The following UBR3 variants were observed in gnomAD, a reference collection of about 807,000 sequenced individuals.
The protein encoded by UBR3 is ubiquitin protein ligase E3 component n-recognin 3.
Under a neutral mutation model 243.2 loss-of-function variants are expected in UBR3, and 85 were observed. The observed-to-expected ratio is 0.35, with a 90% confidence interval of 0.29 to 0.42. UBR3 has a LOEUF of 0.42. Among genes scored for constraint, UBR3 ranks in the 10% least tolerant of loss-of-function variants. The pLI, the probability that UBR3 is intolerant of heterozygous loss-of-function variation, is 1.00. For synonymous variants in UBR3, 748 were observed against 799.8 expected (o/e 0.94, Z 1.09); for missense variants, 1,686 against 2,300.8 (o/e 0.73, Z 5.47).
At position 169,905,305 on chromosome 2, in the gene UBR3, A is replaced by C; in HGVS notation, c.1645+12A>C. 6.8e-7 allele frequency: 1 copy of C among 1,468,764 alleles called. No homozygotes were observed. Among genetic ancestry groups the C allele is most frequent in the African/African-American group, 1.4e-5 (1 of 69,964 alleles). 91.0% of individuals were successfully genotyped at this position (1,468,764 alleles called of 1,614,324 possible). A position where few individuals can be genotyped will look rare whatever the true frequency, so the allele number is the denominator to read the frequency against. On this transcript the variant is annotated intron_variant, in intron 9 of 38. Transcript: ENST00000272793. The stretch of plus-strand genomic sequence containing the variant: ...ATCTTTCTTTCAAGGTATGAATTTT[A>C]TCCCTTTGTTAATTTTTTGGTTTAC...
chr2:170,000,222 A>G (rs1011966847), intron 26 of UBR3, among the ~76,000 whole-genome samples: 8 of 152,018 alleles, frequency 5.3e-5, no homozygotes, highest in African/African-American at 1.9e-4. Context: ...TTTATTGTAT[A>G]TTATATTAAG....
chr2:169,834,330 T>G (rs1365414458), intron 1 of UBR3, among the ~76,000 whole-genome samples: 3 of 152,248 alleles, frequency 2.0e-5, no homozygotes. Flanking sequence ...CTGATAGACA[T>G]TTAAATTGTT....
At chr2:170,060,590 T>C (rs373194555) in intron 33 of UBR3, among the ~76,000 whole-genome samples, 117 of 152,254 alleles carry the variant, frequency 7.7e-4, no homozygotes, top group African/African-American at 2.6e-3. Context: ...CTTTTCACAT[T>C]GTAAATATTT....
chr2:170,046,445 T>C (rs114515819), intron 32 of UBR3, among the ~76,000 whole-genome samples: 1,782 of 152,288 alleles, frequency 0.012, 49 homozygotes, highest in African/African-American at 0.04. Context: ...CCATAGTCTC[T>C]ATTTTGCTAC....
In UBR3 at chr2:169,896,138, AT is replaced by A. The variant is rs371905720; in HGVS notation, c.1237-367del. 4.9e-3 allele frequency among the ~76,000 whole-genome samples: 743 copies of A among 152,250 alleles called. 6 individuals carry two copies. Among genetic ancestry groups the A allele is most frequent in the African/African-American group, 0.017 (709 of 41,550 alleles). On this transcript the variant is annotated intron_variant, in intron 7 of 38. Transcript: ENST00000272793. The stretch of plus-strand genomic sequence containing the variant: ...CCCCATCTCTACTGAAAATACAAAA[AT>A]TAGTTGGGCGTGATGGCGTGTGCCT...
chr2:169,962,018 C>T (rs1175137515), intron 24 of UBR3, among the ~76,000 whole-genome samples: 1 of 151,710 alleles, frequency 6.6e-6, no homozygotes, highest in Non-Finnish European at 1.5e-5. Context: ...TATTGTTTCT[C>T]ATATTAGGTA....
intron 1 of UBR3, among the ~76,000 whole-genome samples, chr2:169,869,057 G>A (rs997491427): frequency 2.0e-5 from 3 of 151,756 alleles, no homozygotes; most frequent in African/African-American, 7.3e-5. Context: ...TCTCCCGTAC[G>A]TCTTGTAAAT....
At chr2:169,964,341 CTTAA>C (rs2087713985) in intron 24 of UBR3, 1 of 452,398 alleles carries the variant, frequency 2.2e-6, no homozygotes, top group Non-Finnish European at 4.5e-6. Context: ...AAGAGAAAAG[CTTAA>C]TTAATACTTT....
At chr2:169,864,234 T>C (rs938040308) in intron 1 of UBR3, among the ~76,000 whole-genome samples, 1 of 152,016 alleles carries the variant, frequency 6.6e-6, no homozygotes, top group Non-Finnish European at 1.5e-5. Context: ...TTTGTAGGGA[T>C]GGGGTTTTAC....
intron 8 of UBR3, among the ~76,000 whole-genome samples, chr2:169,897,433 A>G (rs569355377): frequency 1.3e-5 from 2 of 152,036 alleles, no homozygotes; most frequent in East Asian, 3.9e-4. Context: ...CTTAAATTCT[A>G]TATATATGTA....
At chr2:169,859,549 C>T (rs2083013681) in intron 1 of UBR3, among the ~76,000 whole-genome samples, 2 of 151,914 alleles carry the variant, frequency 1.3e-5, no homozygotes, top group African/African-American at 4.8e-5. Flanking sequence ...GTTATTATCC[C>T]ACAGCTCACT....
Position 169,905,245 on chromosome 2 carries a change from G to C in UBR3, c.1597G>C (p.Asp533His). The C allele has an allele frequency of 6.5e-7, 1 of 1,542,410 alleles. No homozygotes were observed. Among genetic ancestry groups the C allele is most frequent in the Non-Finnish European group, 8.7e-7 (1 of 1,142,940 alleles). Reference sequence around the variant, plus strand: ...AAGTGTGGCCAAGAGATTTTTGGAGGATCACGGTTTGTTAGTTACATGGAT... The same window carrying C: ...AAGTGTGGCCAAGAGATTTTTGGAGCATCACGGTTTGTTAGTTACATGGAT... ...HQSVAKRFLEDHGLLVTWMNF... is the reference protein window; with the variant it reads ...HQSVAKRFLEHHGLLVTWMNF... The change falls in exon 9 of 39, where the codon GAT becomes CAT. Residue 533 changes from aspartate (D) to histidine (H), a missense_variant. Asp to His is a moderately conservative substitution (Grantham distance 81). Coordinates refer to ENST00000272793, the MANE Select transcript of UBR3 (RefSeq NM_172070.4).
At chr2:169,893,880 AC>A (rs976192027) in intron 6 of UBR3, among the ~76,000 whole-genome samples, 3 of 152,060 alleles carry the variant, frequency 2.0e-5, no homozygotes, top group Non-Finnish European at 4.4e-5. Context: ...ATTTTTAGTT[AC>A]AAATCTTAAA....
chr2:170,008,346 A>G lies in UBR3; in HGVS notation c.4231-458A>G, dbSNP rs564083200. On this transcript the variant is annotated intron_variant, in intron 28 of 38. Coordinates refer to ENST00000272793, the MANE Select transcript of UBR3 (RefSeq NM_172070.4). ...ATTCATCTGGCAATTCCCTTTCTCA[A>G]GCGAAGACTAATTTTAGAATTTGTG... Among the ~76,000 whole-genome samples, 32 of 152,354 alleles carry G rather than the reference A, an allele frequency of 2.1e-4. 1 individual carries two copies. The South Asian group carries it at 6.2e-3, about 30-fold the overall frequency.
intron 23 of UBR3, among the ~76,000 whole-genome samples, chr2:169,953,012 T>C (rs2087108988): frequency 6.6e-6 from 1 of 152,182 alleles, no homozygotes; most frequent in Non-Finnish European, 1.5e-5. Context: ...TCCTTTTATT[T>C]TGAAAGAAGA....
intron 31 of UBR3, among the ~76,000 whole-genome samples, chr2:170,032,277 AAAACAG>A (rs1236601871): frequency 1.4e-5 from 2 of 137,938 alleles, no homozygotes; most frequent in Admixed American, 1.5e-4. Flanking sequence ...AACAAAAACA[AAAACAG>A]TCACACATAT....
intron 24 of UBR3, among the ~76,000 whole-genome samples, chr2:169,985,168 G>A (rs1043576244): frequency 2.7e-5 from 4 of 150,682 alleles, no homozygotes; most frequent in Admixed American, 2.0e-4. Context: ...TTTTCTGCAT[G>A]GTTTTCTCTT....
At chr2:169,876,339 C>T (rs187919374) in intron 3 of UBR3, among the ~76,000 whole-genome samples, 5 of 152,112 alleles carry the variant, frequency 3.3e-5, no homozygotes, top group African/African-American at 1.2e-4. Flanking sequence ...CTTGGCCTTC[C>T]GAAGTGCTGG....
At chr2:169,954,216 TTG>T (rs1375307027) in intron 23 of UBR3, among the ~76,000 whole-genome samples, 18 of 151,512 alleles carry the variant, frequency 1.2e-4, no homozygotes, top group African/African-American at 2.2e-4. Flanking sequence ...TTGTCTTGTC[TTG>T]TCTTGTCTTC....
Sources: allele counts gnomAD v4.1 joint callset (sites outside exome capture counted in the v4.1 genomes callset), GRCh38; gene constraint gnomAD v4.1.1; transcripts MANE v1.5; gene names NCBI Gene and HGNC (gene_info 2026-07-23, HGNC 2026-07-21).